PDE4D: variants seen among roughly 807,000 people sequenced by gnomAD.
The protein encoded by PDE4D is phosphodiesterase 4D.
PDE4D carries 24 observed loss-of-function variants against 87.4 expected under a neutral mutation model. The ratio of observed to expected loss-of-function variants is 0.27; its 90% confidence interval spans 0.20 to 0.39. PDE4D has a LOEUF of 0.39. PDE4D is among the 10% of genes least tolerant of loss of function. The probability of loss-of-function intolerance (pLI) is 1.00; values close to 1 mark genes in which losing one functional copy is unlikely to be tolerated. For synonymous variants in PDE4D, 384 were observed against 383.2 expected, an observed-to-expected ratio of 1.00 and a Z score of -0.02; for missense variants, 714 against 1,041.0, an observed-to-expected ratio of 0.69 and a Z score of 4.32.
At chr5:59,408,183 C>T (rs949678668) in intron 1 of PDE4D, among the ~76,000 whole-genome samples, 4 of 152,198 alleles carry the variant, frequency 2.6e-5, no homozygotes, top group Non-Finnish European at 5.9e-5. Context: ...GGGATAAGCA[C>T]AGGGCACCAC....
chr5:59,392,622 C>T (rs1179817643), intron 1 of PDE4D, among the ~76,000 whole-genome samples: 1 of 151,732 alleles, frequency 6.6e-6, no homozygotes, highest in Non-Finnish European at 1.5e-5. Context: ...CTTGAAAAAT[C>T]AGAAAGCCTG....
At chr5:59,066,245 G>C (rs1255975647) in intron 5 of PDE4D, among the ~76,000 whole-genome samples, 1 of 152,136 alleles carries the variant, frequency 6.6e-6, no homozygotes, top group Non-Finnish European at 1.5e-5. Flanking sequence ...TGTGTGATAA[G>C]GGCTCCAAAA....
intron 5 of PDE4D, among the ~76,000 whole-genome samples, chr5:59,056,734 A>C (rs528501954): frequency 6.6e-6 from 1 of 152,254 alleles, no homozygotes; most frequent in Non-Finnish European, 1.5e-5. Context: ...TTTGCTGAGA[A>C]TGATGGCTTC....
At chr5:60,420,542 G>T (rs1325396830) in intron 1 of PDE4D, among the ~76,000 whole-genome samples, 2 of 152,158 alleles carry the variant, frequency 1.3e-5, no homozygotes, top group East Asian at 3.9e-4. Context: ...TGTCCAGTAT[G>T]CAATAAAAAA....
Position 60,238,274 on chromosome 5 carries a change from C to G in PDE4D, c.-89-52587G>C, listed in dbSNP as rs1463606210. Among the ~76,000 whole-genome samples, 3 of 151,860 alleles carry G rather than the reference C, an allele frequency of 2.0e-5. No individual in the cohort carries two copies. The East Asian group carries it at 5.8e-4, about 29-fold the overall frequency. On this transcript the variant is annotated intron_variant, in intron 1 of 16. Transcript: ENST00000502484. ...TCTACTATGCTGTAAGTCCATTGCACAAATATCCCAGTTTTTATTTGTACT... is the reference window on the plus strand; with the variant it reads ...TCTACTATGCTGTAAGTCCATTGCAGAAATATCCCAGTTTTTATTTGTACT...
intron 5 of PDE4D, among the ~76,000 whole-genome samples, chr5:59,095,494 G>A (rs1769539775): frequency 6.6e-6 from 1 of 152,090 alleles, no homozygotes; most frequent in Non-Finnish European, 1.5e-5. Context: ...TTAGGTAACA[G>A]TGGAGCTATA....
chr5:59,047,240 T>A (rs1498608), intron 5 of PDE4D, among the ~76,000 whole-genome samples: 10,433 of 152,200 alleles, frequency 0.069, 499 homozygotes, highest in Admixed American at 0.11. Context: ...AACTTAATAG[T>A]TACCTGGAAC....
intron 1 of PDE4D, among the ~76,000 whole-genome samples, chr5:59,886,202 A>G (rs193086581): frequency 2.6e-5 from 4 of 152,362 alleles, no homozygotes; most frequent in South Asian, 4.1e-4. Context: ...TTAAACTGCA[A>G]TTGATAACTG....
At chr5:59,759,101 GCTT>G (rs746853577) in intron 1 of PDE4D, among the ~76,000 whole-genome samples, 76 of 151,886 alleles carry the variant, frequency 5.0e-4, no homozygotes, top group Non-Finnish European at 1.0e-3. Flanking sequence ...AGATAGTAAA[GCTT>G]CTTCCTGAAA....
chr5:59,231,585 A>T (rs746218757), intron 1 of PDE4D, among the ~76,000 whole-genome samples: 2 of 152,184 alleles, frequency 1.3e-5, no homozygotes, highest in Non-Finnish European at 2.9e-5. Context: ...CTTGATGAAG[A>T]ATGAGTTTAT....
chr5:60,196,873 G>T (rs1172138602), intron 1 of PDE4D, among the ~76,000 whole-genome samples: 1 of 151,350 alleles, frequency 6.6e-6, no homozygotes, highest in East Asian at 1.9e-4. Context: ...ATTAGAAATG[G>T]CATTTCACTG....
At chr5:59,903,974 A>G (rs979922395) in intron 3 of PDE4D, among the ~76,000 whole-genome samples, 11 of 152,184 alleles carry the variant, frequency 7.2e-5, no homozygotes, top group Non-Finnish European at 1.6e-4. Flanking sequence ...CAAGTTTTAC[A>G]GCTTTGCTGA....
chr5:59,969,126 T>C (rs538341572), intron 3 of PDE4D, among the ~76,000 whole-genome samples: 56 of 152,308 alleles, frequency 3.7e-4, no homozygotes, highest in African/African-American at 1.3e-3. Flanking sequence ...TCTTCTAAGC[T>C]ACAGGAAATA....
intron 1 of PDE4D, among the ~76,000 whole-genome samples, chr5:60,466,954 T>C (rs1747401548): frequency 6.7e-6 from 1 of 149,694 alleles, no homozygotes; most frequent in South Asian, 2.2e-4. Context: ...GTCTATTTAC[T>C]GAGAAATCAA....
intron 5 of PDE4D, among the ~76,000 whole-genome samples, chr5:59,042,677 A>T (rs1759891709): frequency 6.6e-6 from 1 of 152,190 alleles, no homozygotes; most frequent in Non-Finnish European, 1.5e-5. Context: ...TGAGAAATAA[A>T]TTGAGCCTTG....
At chr5:59,978,122 A>G (rs912707241) in intron 3 of PDE4D, among the ~76,000 whole-genome samples, 1 of 152,186 alleles carries the variant, frequency 6.6e-6, no homozygotes, top group African/African-American at 2.4e-5. Context: ...CTACCACAAC[A>G]TTCATTCTGA....
chr5:59,435,984 G>T (rs1400737967), intron 1 of PDE4D, among the ~76,000 whole-genome samples: 1 of 152,104 alleles, frequency 6.6e-6, no homozygotes, highest in Non-Finnish European at 1.5e-5. Flanking sequence ...GCCTGCCTGG[G>T]CTATCAGTTT....
At chr5:59,455,376 G>C (rs940538173) in intron 1 of PDE4D, among the ~76,000 whole-genome samples, 9 of 152,202 alleles carry the variant, frequency 5.9e-5, no homozygotes, top group Admixed American at 1.3e-4. Context: ...GGATTCAGAG[G>C]GTGCAAACCC....
chr5:60,172,777 G>A (rs1783584689), intron 2 of PDE4D, among the ~76,000 whole-genome samples: 1 of 152,102 alleles, frequency 6.6e-6, no homozygotes, highest in Non-Finnish European at 1.5e-5. Flanking sequence ...CTCTATCCCT[G>A]CAGAACTTTC....
Sources: gnomAD v4.1 joint callset for allele counts (sites outside exome capture counted in the v4.1 genomes callset) on GRCh38, gnomAD v4.1.1 for gene constraint, MANE v1.5 for transcripts, NCBI Gene and HGNC (gene_info 2026-07-23, HGNC 2026-07-21) for gene names.